INPP4B: variants seen among roughly 807,000 people sequenced by gnomAD.
INPP4B encodes inositol polyphosphate-4-phosphatase type II B.
INPP4B carries 55 observed loss-of-function variants against 122.5 expected under a neutral mutation model. The ratio of observed to expected loss-of-function variants is 0.45; its 90% confidence interval spans 0.36 to 0.56. INPP4B has a LOEUF of 0.56. INPP4B is among the 20% of genes least tolerant of loss of function. The pLI, the probability that INPP4B is intolerant of heterozygous loss-of-function variation, is 0.00. For synonymous variants in INPP4B, 403 were observed against 388.7 expected (o/e 1.04, Z -0.43); for missense variants, 1,000 against 1,097.7 (o/e 0.91, Z 1.26).
At chr4:142,368,764 G>A (rs2148663576) in intron 7 of INPP4B, among the ~76,000 whole-genome samples, 1 of 152,104 alleles carries the variant, frequency 6.6e-6, no homozygotes, top group African/African-American at 2.4e-5. Flanking sequence ...ATAATGGGCA[G>A]GTGAGTGTAA....
chr4:142,278,575 T>C (rs572518712), intron 9 of INPP4B, among the ~76,000 whole-genome samples: 1 of 152,016 alleles, frequency 6.6e-6, no homozygotes, highest in East Asian at 1.9e-4. Context: ...GGAGAAGCTA[T>C]GATCCCAAGA....
intron 7 of INPP4B, among the ~76,000 whole-genome samples, chr4:142,330,538 C>T (rs1442473521): frequency 6.6e-6 from 1 of 152,136 alleles, no homozygotes; most frequent in Non-Finnish European, 1.5e-5. Flanking sequence ...TGCACACACG[C>T]ACACACATAC....
At chr4:142,152,589 A>T (rs1436857750) in intron 17 of INPP4B, among the ~76,000 whole-genome samples, 3 of 151,958 alleles carry the variant, frequency 2.0e-5, no homozygotes, top group African/African-American at 7.3e-5. Context: ...AAATTTCAAA[A>T]TTTCTTCTTC....
At chr4:142,185,434 T>C (rs2645822) in intron 15 of INPP4B, among the ~76,000 whole-genome samples, 150,281 of 151,256 alleles carry the variant, frequency 0.99, 74,663 homozygotes, top group East Asian at 1. Context: ...TCAGCCATAC[T>C]TCTACTTCAC....
At chr4:142,550,621 T>TATA (rs371250535) in intron 2 of INPP4B, among the ~76,000 whole-genome samples, 24,943 of 126,578 alleles carry the variant, frequency 0.2, 2,254 homozygotes, top group East Asian at 0.34. Context: ...TATATATATA[T>TATA]TTTTTTTTTT....
intron 2 of INPP4B, among the ~76,000 whole-genome samples, chr4:142,466,740 C>T (rs1817862213): frequency 1.3e-5 from 2 of 152,278 alleles, no homozygotes; most frequent in Middle Eastern, 3.4e-3. Flanking sequence ...GAAGACCCTG[C>T]CATCATAGGC....
intron 7 of INPP4B, among the ~76,000 whole-genome samples, chr4:142,397,632 G>A (rs1191731789): frequency 1.3e-5 from 2 of 152,034 alleles, no homozygotes; most frequent in Non-Finnish European, 2.9e-5. Context: ...GAGGTCAGGA[G>A]ATGAGACCAT....
At chr4:142,106,526 G>GT (rs1787210031) in intron 23 of INPP4B, among the ~76,000 whole-genome samples, 1 of 152,154 alleles carries the variant, frequency 6.6e-6, no homozygotes, top group East Asian at 1.9e-4. Flanking sequence ...CCTATGAAGA[G>GT]TTTAAGTTAC....
intron 1 of INPP4B, among the ~76,000 whole-genome samples, chr4:142,770,483 G>C (rs1286204784): frequency 6.6e-6 from 1 of 151,904 alleles, no homozygotes; most frequent in Admixed American, 6.6e-5. Context: ...TAATAAACTG[G>C]CACCAGGAGC....
chr4:142,375,629 G>T (rs889472156), intron 7 of INPP4B, among the ~76,000 whole-genome samples: 9 of 151,912 alleles, frequency 5.9e-5, no homozygotes, highest in Non-Finnish European at 7.4e-5. Context: ...TCTAAGAGAG[G>T]TGTACTTTCT....
At chr4:142,657,400 T>C (rs2150569722) in intron 2 of INPP4B, among the ~76,000 whole-genome samples, 1 of 152,336 alleles carries the variant, frequency 6.6e-6, no homozygotes, top group South Asian at 2.1e-4. Flanking sequence ...GGTGTGGACA[T>C]ATGGAACTAA....
intron 1 of INPP4B, among the ~76,000 whole-genome samples, chr4:142,751,100 T>C (rs1265806794): frequency 6.6e-6 from 1 of 151,736 alleles, no homozygotes; most frequent in Non-Finnish European, 1.5e-5. Flanking sequence ...TGTTGAGAAA[T>C]ACTGAGAAGA....
chr4:142,220,452 T>C (rs1259188837), intron 12 of INPP4B, among the ~76,000 whole-genome samples: 1 of 152,258 alleles, frequency 6.6e-6, no homozygotes, highest in Non-Finnish European at 1.5e-5. Flanking sequence ...TTATTCTATG[T>C]CTGCTACTAT....
chr4:142,030,020 A>G (rs1404842091), intron 25 of INPP4B: 5 of 1,380,196 alleles, frequency 3.6e-6, no homozygotes, highest in Non-Finnish European at 4.7e-6. Flanking sequence ...ACAATTTAAC[A>G]TTTTTTAAAT....
rs914732826 is a variant in INPP4B, at chr4:142,124,482, T to C, written c.1893+106A>G. The C allele has an allele frequency of 9.7e-6, 10 of 1,034,136 alleles. No homozygotes were observed. The African/African-American group carries it at 1.4e-4, about 15-fold the overall frequency. The allele number at this position is 1,034,136 out of a possible 1,614,324, so 64.1% of individuals were successfully genotyped here. On this transcript the variant is annotated intron_variant, in intron 19 of 25. Transcript: ENST00000262992. ...ACATGGGATACCAAAACTTTAAGGA[T>C]CTTTTTAAAAATAAAGCTGTCCCAA...
intron 2 of INPP4B, among the ~76,000 whole-genome samples, chr4:142,572,660 C>T (rs893017479): frequency 1.4e-4 from 22 of 151,880 alleles, no homozygotes; most frequent in Admixed American, 1.1e-3. Context: ...GGTGAGAATG[C>T]TCCCAGATAA....
At chr4:142,399,787 T>C (rs1474191161) in intron 7 of INPP4B, among the ~76,000 whole-genome samples, 1 of 152,060 alleles carries the variant, frequency 6.6e-6, no homozygotes, top group Admixed American at 6.6e-5. Flanking sequence ...TTCCTTATAG[T>C]GAGGAAAATA....
chr4:142,079,897 C>T (rs1772955833), intron 25 of INPP4B, among the ~76,000 whole-genome samples: 1 of 152,040 alleles, frequency 6.6e-6, no homozygotes, highest in African/African-American at 2.4e-5. Context: ...CATAAAACTA[C>T]AAGGATCATA....
chr4:142,112,690 A>C lies in INPP4B; in HGVS notation c.2136-8T>G. ...TCTACCACGTAATGTTCTCTAAAGA[A>C]GGCAGAGGACAAAGGGAAGAAACAT... On this transcript the variant is annotated splice_polypyrimidine_tract_variant and splice_region_variant and intron_variant, in intron 21 of 25. Coordinates refer to ENST00000262992, the MANE Select transcript of INPP4B (RefSeq NM_001101669.3). The C allele has an allele frequency of 6.2e-7, 1 of 1,602,358 alleles. No individual in the cohort carries two copies. The highest frequency in any genetic ancestry group is 8.5e-7 in the Non-Finnish European group (1 of 1,176,880).
Sources: allele counts gnomAD v4.1 joint callset (sites outside exome capture counted in the v4.1 genomes callset), GRCh38; gene constraint gnomAD v4.1.1; transcripts MANE v1.5; gene names NCBI Gene and HGNC (gene_info 2026-07-23, HGNC 2026-07-21).